ZNF407: variants seen among roughly 807,000 people sequenced by gnomAD.
ZNF407 encodes the protein zinc finger protein 407.
In ZNF407, 17 loss-of-function variants were observed where a neutral mutation model predicts 131.2. The ratio of observed to expected loss-of-function variants is 0.13; its 90% CI spans 0.09 to 0.19. The LOEUF is 0.19. Among genes scored for constraint, ZNF407 ranks in the 10% least tolerant of loss-of-function variants. The pLI is 1.00. For synonymous variants in ZNF407, 1,156 were observed against 1,062.0 expected (o/e 1.09, Z -1.72); for missense variants, 2,681 against 2,830.6 (o/e 0.95, Z 1.20).
At chr18:74,729,530 T>G (rs1296076580) in intron 3 of ZNF407, among the ~76,000 whole-genome samples, 1 of 152,126 alleles carries the variant, frequency 6.6e-6, no homozygotes, top group African/African-American at 2.4e-5. Context: ...GCATGTTCGT[T>G]GGTTCCCTCA....
intron 3 of ZNF407, among the ~76,000 whole-genome samples, chr18:74,725,755 T>C (rs1968141662): frequency 6.6e-6 from 1 of 152,220 alleles, no homozygotes; most frequent in Admixed American, 6.5e-5. Flanking sequence ...TTTTCATGTG[T>C]AGCTTGACAT....
chr18:74,633,837 A>C lies in ZNF407; in HGVS notation c.2818A>C (p.Thr940Pro). ...AGKKNAGSAVTMSDEHANKPA... is the reference protein window; with the variant it reads ...AGKKNAGSAVPMSDEHANKPA... ...TAAAAAGAATGCTGGCTCAGCAGTG[A>C]CCATGTCAGATGAACATGCTAACAA... Residue 940 changes from threonine (T) to proline (P), a missense_variant, in exon 2 of 9, where the codon ACC becomes CCC. Thr to Pro is a conservative substitution (Grantham distance 38, BLOSUM62 -1). This residue lies in a region of ZNF407 where 1,789 missense variants were observed against 1,748.7 expected (regional missense o/e 1.02). Transcript: ENST00000299687. 2 of 1,614,012 alleles carry C rather than the reference A, an allele frequency of 1.2e-6. No individual in the cohort carries two copies. The highest frequency in any genetic ancestry group is 1.7e-6 in the Non-Finnish European group (2 of 1,179,898).
In ZNF407 at chr18:75,064,667, G is replaced by A. The variant is rs926899682; in HGVS notation, c.*199G>A. The stretch of plus-strand genomic sequence containing the variant: ...CAGAGGGTACCGTGGGCTGGGCCTC[G>A]GGGAGCAGGCTGCCAAGTGCAGGGG... On this transcript the variant is annotated 3_prime_UTR_variant, in exon 9 of 9. Coordinates refer to ENST00000299687, the MANE Select transcript of ZNF407 (RefSeq NM_017757.3). The A allele has an allele frequency of 1.8e-5, 9 of 503,872 alleles. No homozygotes were observed. The highest frequency in any genetic ancestry group is 3.0e-5 in the Non-Finnish European group (9 of 298,946). 31.2% of individuals were successfully genotyped at this position (503,872 alleles called of 1,614,324 possible). A position where few individuals can be genotyped will look rare whatever the true frequency, so the allele number is the denominator to read the frequency against.
intron 4 of ZNF407, among the ~76,000 whole-genome samples, chr18:74,800,969 T>A (rs927287253): frequency 2.6e-5 from 4 of 152,086 alleles, no homozygotes; most frequent in Non-Finnish European, 5.9e-5. Flanking sequence ...CGTTTTTTTT[T>A]AAACTCTATA....
chr18:74,847,959 C>T (rs138815290), intron 4 of ZNF407, among the ~76,000 whole-genome samples: 252 of 151,502 alleles, frequency 1.7e-3, no homozygotes, highest in Middle Eastern at 0.014. Flanking sequence ...AGGCTATTGT[C>T]GTGTGTGTAT....
At chr18:74,894,482 T>G (rs1391133851) in intron 7 of ZNF407, among the ~76,000 whole-genome samples, 1 of 152,140 alleles carries the variant, frequency 6.6e-6, no homozygotes, top group Non-Finnish European at 1.5e-5. Flanking sequence ...TTGGAATAGC[T>G]TAAAATTCCT....
At chr18:74,692,196 A>G (rs1382919739) in intron 3 of ZNF407, among the ~76,000 whole-genome samples, 1 of 152,092 alleles carries the variant, frequency 6.6e-6, no homozygotes, top group Non-Finnish European at 1.5e-5. Flanking sequence ...TCTCTTCTTC[A>G]GTCAAGGCCA....
intron 8 of ZNF407, among the ~76,000 whole-genome samples, chr18:74,964,139 A>G (rs1972381320): frequency 6.6e-6 from 1 of 152,236 alleles, no homozygotes; most frequent in African/African-American, 2.4e-5. Flanking sequence ...CAGAGCAGTT[A>G]TATAACAGAC....
At chr18:74,772,668 C>G (rs1599141505) in intron 3 of ZNF407, among the ~76,000 whole-genome samples, 1 of 152,058 alleles carries the variant, frequency 6.6e-6, no homozygotes, top group Non-Finnish European at 1.5e-5. Flanking sequence ...TTTTGAATGA[C>G]TGTTGAAGAC....
chr18:74,659,897 A>G (rs891122383), intron 3 of ZNF407, among the ~76,000 whole-genome samples: 1 of 152,176 alleles, frequency 6.6e-6, no homozygotes, highest in African/African-American at 2.4e-5. Flanking sequence ...AATGACAAAT[A>G]TATTTCTATG....
chr18:74,747,480 T>A (rs1968696216), intron 3 of ZNF407, among the ~76,000 whole-genome samples: 2 of 147,328 alleles, frequency 1.4e-5, no homozygotes, highest in African/African-American at 4.9e-5. Context: ...CTTTCCTGGA[T>A]TTTTTTTTTT....
chr18:74,708,446 A>G (rs1444124962), intron 3 of ZNF407, among the ~76,000 whole-genome samples: 1 of 152,168 alleles, frequency 6.6e-6, no homozygotes, highest in East Asian at 1.9e-4. Context: ...TCTGCTATGT[A>G]GCCTATTTAT....
rs1311895509 is a variant in ZNF407 at position 74,599,673 on chromosome 18, G to T, written c.-54+1736G>T. On this transcript the variant is annotated intron_variant, in intron 1 of 8. Transcript: ENST00000299687. ...AGGACTAGTGGGTATTCACCTGGTT[G>T]AAGGGACATTTTCCCCAACATTCAT... Among the ~76,000 whole-genome samples, 6 of 152,184 alleles carry T rather than the reference G, an allele frequency of 3.9e-5. No individual in the cohort carries two copies. The East Asian group carries it at 1.2e-3, about 29-fold the overall frequency.
At chr18:74,638,135 C>T (rs1324870288) in intron 2 of ZNF407, among the ~76,000 whole-genome samples, 1 of 152,206 alleles carries the variant, frequency 6.6e-6, no homozygotes, top group Non-Finnish European at 1.5e-5. Context: ...AATGCCATCT[C>T]AAAATGTTCC....
intron 6 of ZNF407, among the ~76,000 whole-genome samples, chr18:74,883,118 ATT>A (rs1440484906): frequency 6.6e-6 from 1 of 152,204 alleles, no homozygotes. Flanking sequence ...GAGGCTCCTT[ATT>A]ACTTTGCTAT....
At chr18:74,677,779 T>G (rs1986453241) in intron 3 of ZNF407, among the ~76,000 whole-genome samples, 1 of 152,188 alleles carries the variant, frequency 6.6e-6, no homozygotes, top group African/African-American at 2.4e-5. Context: ...TATTGCCTGT[T>G]GTTTCTCTTG....
At position 74,648,295 on chromosome 18, in the gene ZNF407, C is replaced by T. The variant is rs541567663; in HGVS notation, c.4802+7173C>T. 1.3e-4 allele frequency among the ~76,000 whole-genome samples: 20 copies of T among 152,156 alleles called. 1 individual carries two copies. The highest frequency in any genetic ancestry group is 2.4e-4 in the Non-Finnish European group (16 of 67,994). ...TTGCAGCAGGATCAACCATGGCGTG[C>T]GGGATGTGCACGAACTACAGGGCAG... is the stretch of plus-strand genomic sequence containing the variant. On this transcript the variant is annotated intron_variant, in intron 3 of 8. Coordinates refer to ENST00000299687, the MANE Select transcript of ZNF407 (RefSeq NM_017757.3).
chr18:74,781,929 T>G (rs1434000251), intron 4 of ZNF407, among the ~76,000 whole-genome samples: 1 of 152,196 alleles, frequency 6.6e-6, no homozygotes, highest in Non-Finnish European at 1.5e-5. Context: ...GAAATACATC[T>G]TGTGTCATCC....
Position 74,781,447 on chromosome 18 carries a change from A to C in ZNF407, c.4822A>C (p.Lys1608Gln). ...TTTTAGGGTTGCTTTTGTAATGAAG[A>C]AGCACTTAAATACTCATCTACTAGG... Reference protein sequence around the residue: ...HVCGVAFVMKKHLNTHLLGKH... With the variant: ...HVCGVAFVMKQHLNTHLLGKH... Residue 1608 changes from lysine (K) to glutamine (Q), a missense_variant, in exon 4 of 9, where the codon AAG becomes CAG. Transcript: ENST00000299687. 6.5e-7 allele frequency: 1 copy of C among 1,545,028 alleles called. No individual in the cohort carries two copies. The highest frequency in any genetic ancestry group is 8.7e-7 in the Non-Finnish European group (1 of 1,145,114).
Sources: allele counts gnomAD v4.1 joint callset (sites outside exome capture counted in the v4.1 genomes callset), GRCh38; gene constraint gnomAD v4.1.1; regional missense constraint gnomAD v4.1.1; transcripts MANE v1.5; gene names NCBI Gene and HGNC (gene_info 2026-07-23, HGNC 2026-07-21).